The following AKT3 variants were observed in gnomAD, a reference collection of about 807,000 sequenced individuals.
AKT3 encodes the protein RAC-gamma serine/threonine-protein kinase.
AKT3 carries 15 observed loss-of-function variants against 65.3 expected under a neutral mutation model. The observed-to-expected ratio is 0.23, with a 90% CI of 0.15 to 0.35. The LOEUF (loss-of-function observed/expected upper bound fraction) is 0.35. Among genes scored for constraint, AKT3 ranks in the 10% least tolerant of loss-of-function variants. The pLI is 1.00. For synonymous variants in AKT3, 206 were observed against 183.8 expected, an observed-to-expected ratio of 1.12 and a Z score of -0.98; for missense variants, 243 against 576.5, an observed-to-expected ratio of 0.42 and a Z score of 5.92.
intron 2 of AKT3, among the ~76,000 whole-genome samples, chr1:243,732,939 C>A (rs926579361): frequency 6.6e-6 from 1 of 152,218 alleles, no homozygotes; most frequent in Non-Finnish European, 1.5e-5. Context: ...ACATGCTCAA[C>A]AACAAACAGG....
At chr1:243,794,942 T>C (rs1691860594) in intron 2 of AKT3, among the ~76,000 whole-genome samples, 1 of 152,244 alleles carries the variant, frequency 6.6e-6, no homozygotes. Context: ...GTTTGCCTGC[T>C]GTCATCTCTC....
intron 2 of AKT3, among the ~76,000 whole-genome samples, chr1:243,819,278 T>C (rs930989755): frequency 6.6e-6 from 1 of 152,218 alleles, no homozygotes; most frequent in African/African-American, 2.4e-5. Context: ...GCCAGCACTG[T>C]AGCTCCAGTT....
At chr1:243,643,265 A>C (rs1205028732) in intron 5 of AKT3, among the ~76,000 whole-genome samples, 1 of 152,206 alleles carries the variant, frequency 6.6e-6, no homozygotes, top group East Asian at 1.9e-4. Flanking sequence ...AACTGGAGTC[A>C]AACTTAGTGG....
At chr1:243,700,864 T>C (rs1197939303) in intron 2 of AKT3, among the ~76,000 whole-genome samples, 1 of 152,184 alleles carries the variant, frequency 6.6e-6, no homozygotes, top group African/African-American at 2.4e-5. Context: ...CATGCTCACT[T>C]TCCACCTAAA....
intron 2 of AKT3, among the ~76,000 whole-genome samples, chr1:243,798,609 T>C (rs1228943686): frequency 6.6e-6 from 1 of 152,036 alleles, no homozygotes; most frequent in Non-Finnish European, 1.5e-5. Context: ...CTCTGTTATC[T>C]TTCCATCTCA....
At chr1:243,498,857 TG>T (rs552338488), downstream of AKT3, among the ~76,000 whole-genome samples, 237 of 152,338 alleles carry the variant, frequency 1.6e-3, 1 homozygote, top group African/African-American at 5.5e-3. Flanking sequence ...GGGACCAGAT[TG>T]GGCCCCTGGC....
intron 12 of AKT3, among the ~76,000 whole-genome samples, chr1:243,540,993 G>A (rs949853190): frequency 6.6e-6 from 1 of 152,112 alleles, no homozygotes; most frequent in Admixed American, 6.6e-5. Flanking sequence ...GATGTTAACC[G>A]TGATCACTTG....
At chr1:243,660,344 TC>T (rs1231106300) in intron 4 of AKT3, among the ~76,000 whole-genome samples, 3 of 152,146 alleles carry the variant, frequency 2.0e-5, no homozygotes, top group Non-Finnish European at 2.9e-5. Context: ...CAGCAGCACA[TC>T]AAAAAGCTTA....
chr1:243,491,260 C>G (rs895528734), intron 13 of AKT3, among the ~76,000 whole-genome samples: 1 of 152,150 alleles, frequency 6.6e-6, no homozygotes, highest in African/African-American at 2.4e-5. Flanking sequence ...AAAATTTTCA[C>G]AAAACGCATT....
At chr1:243,681,270 G>A (rs1274263636) in intron 3 of AKT3, among the ~76,000 whole-genome samples, 2 of 152,004 alleles carry the variant, frequency 1.3e-5, no homozygotes, top group African/African-American at 2.4e-5. Flanking sequence ...TGTAAAATAC[G>A]AGGCAGAAGG....
At chr1:243,513,874 C>G (rs1670180405) in intron 12 of AKT3, among the ~76,000 whole-genome samples, 1 of 152,174 alleles carries the variant, frequency 6.6e-6, no homozygotes, top group Non-Finnish European at 1.5e-5. Flanking sequence ...GCTGGATCCC[C>G]TGGACATGAG....
At position 243,843,294 on chromosome 1, in the gene AKT3, T is replaced by C; in HGVS notation, c.-112-12A>G. The C allele has an allele frequency of 7.1e-7, 1 of 1,405,680 alleles. No individual in the cohort carries two copies. Among genetic ancestry groups the C allele is most frequent in the Non-Finnish European group, 9.3e-7 (1 of 1,072,346 alleles). 87.1% of individuals were successfully genotyped at this position (1,405,680 alleles called of 1,614,324 possible). On this transcript the variant is annotated splice_polypyrimidine_tract_variant and intron_variant, in intron 1 of 13. Coordinates refer to ENST00000673466, the MANE Select transcript of AKT3 (RefSeq NM_005465.7). ...AGTGATGACTCAGCCTGGAAGGAAG[T>C]ATTGAAGAAAGAATTTTTTTTCCAT...
intron 4 of AKT3, among the ~76,000 whole-genome samples, chr1:243,652,460 C>T (rs570579329): frequency 2.7e-4 from 41 of 151,910 alleles, no homozygotes; most frequent in Non-Finnish European, 4.9e-4. Context: ...ACTAAACACG[C>T]AAAGGAACAA....
In AKT3 at chr1:243,503,111, A is replaced by G. The variant is rs1174400605; in HGVS notation, c.*2138T>C. ...AACATAATTCCAAGTGAAAAAAAAA[A>G]GATTAGCTATGTGTGTAAGTAAGAA... is the stretch of plus-strand genomic sequence containing the variant. On this transcript the variant is annotated 3_prime_UTR_variant, in exon 14 of 14. Transcript: ENST00000673466. 8.6e-6 allele frequency: 2 copies of G among 233,552 alleles called. No homozygotes were observed. The highest frequency in any genetic ancestry group is 1.7e-5 in the Non-Finnish European group (2 of 118,030). 14.5% of individuals were successfully genotyped at this position (233,552 alleles called of 1,614,324 possible). A position where few individuals can be genotyped will look rare whatever the true frequency, so the allele number is the denominator to read the frequency against.
intron 2 of AKT3, among the ~76,000 whole-genome samples, chr1:243,809,087 G>A (rs1692948269): frequency 6.6e-6 from 1 of 152,144 alleles, no homozygotes; most frequent in African/African-American, 2.4e-5. Flanking sequence ...ATGCCAAATT[G>A]TAAAGACCAT....
chr1:243,709,261 A>G (rs1558742188), intron 2 of AKT3, among the ~76,000 whole-genome samples: 2 of 146,926 alleles, frequency 1.4e-5, no homozygotes, highest in Non-Finnish European at 3.0e-5. Context: ...TCCCATATAG[A>G]AAAAAAAAAA....
Position 243,523,291 on chromosome 1 carries a change from A to ACC in AKT3, c.1252-10866_1252-10865insGG, listed in dbSNP as rs1312245522. Among the ~76,000 whole-genome samples the ACC allele has an allele frequency of 2.6e-4, 40 of 151,532 alleles. No individual in the cohort carries two copies. The East Asian group carries it at 4.5e-3, about 17-fold the overall frequency. ...CACACACACACACACACACACACAC[A>ACC]CACACACACACACACACCTTTCAGA... On this transcript the variant is annotated intron_variant, in intron 12 of 13. Transcript: ENST00000673466.
chr1:243,773,544 T>C (rs1690335628), intron 2 of AKT3, among the ~76,000 whole-genome samples: 1 of 151,914 alleles, frequency 6.6e-6, no homozygotes, highest in South Asian at 2.1e-4. Context: ...AGCCCAGGAG[T>C]TCCAGGCTGC....
chr1:243,605,713 T>C (rs1426778684), intron 8 of AKT3, among the ~76,000 whole-genome samples: 1 of 152,226 alleles, frequency 6.6e-6, no homozygotes, highest in African/African-American at 2.4e-5. Flanking sequence ...CAATTCACTT[T>C]CATCAAAAAT....
Sources: allele counts gnomAD v4.1 joint callset (sites outside exome capture counted in the v4.1 genomes callset), GRCh38; gene constraint gnomAD v4.1.1; transcripts MANE v1.5; gene names NCBI Gene and HGNC (gene_info 2026-07-23, HGNC 2026-07-21).